EXOC6: variants seen among roughly 807,000 people sequenced by gnomAD.
EXOC6 encodes the protein exocyst complex component 6, also known as SEC15-like 1.
A neutral mutation model predicts 112.5 loss-of-function variants in EXOC6; 60 were observed. That is an observed-to-expected ratio of 0.53 (90% CI 0.43 to 0.66). The LOEUF is 0.66. Among genes scored for constraint, EXOC6 ranks in the 30% least tolerant of loss-of-function variants. The pLI is 0.00. For missense variants in EXOC6, 855 were observed against 957.1 expected (o/e 0.89, Z 1.41); for synonymous variants, 295 against 308.0 (o/e 0.96, Z 0.44).
intron 20 of EXOC6, among the ~76,000 whole-genome samples, chr10:93,054,352 A>G (rs1460087820): frequency 1.3e-5 from 2 of 152,232 alleles, no homozygotes; most frequent in Non-Finnish European, 2.9e-5. Flanking sequence ...CTGCTTTGGC[A>G]ATTAATTCCT....
At chr10:92,952,866 GT>G (rs896904687) in intron 15 of EXOC6, among the ~76,000 whole-genome samples, 2 of 152,106 alleles carry the variant, frequency 1.3e-5, no homozygotes, top group Non-Finnish European at 2.9e-5. Context: ...CAATGGGGAG[GT>G]GCTACTGGAA....
At chr10:93,030,515 G>A (rs1294849207) in intron 20 of EXOC6, among the ~76,000 whole-genome samples, 1 of 152,180 alleles carries the variant, frequency 6.6e-6, no homozygotes. Flanking sequence ...TAAGAAGCAT[G>A]AACAGTAACA....
chr10:93,017,807 C>T (rs1031113669), intron 20 of EXOC6, among the ~76,000 whole-genome samples: 3 of 151,452 alleles, frequency 2.0e-5, no homozygotes, highest in African/African-American at 4.8e-5. Context: ...GTCAGAAGGT[C>T]GAGACCGTCC....
intron 13 of EXOC6, among the ~76,000 whole-genome samples, chr10:92,943,787 G>A (rs1010552856): frequency 2.6e-5 from 4 of 151,198 alleles, no homozygotes; most frequent in African/African-American, 9.7e-5. Context: ...ATTATTAACC[G>A]TAGTCACCTT....
rs116360709 is a variant in EXOC6 at position 92,954,812 on chromosome 10, G to A, written c.1638+71G>A. ...CAATTATTTTAAATTATTGCTGAAC[G>A]TCATTCTGTAAAACTAGCTTCCTGT... On this transcript the variant is annotated intron_variant, in intron 16 of 21. Transcript: ENST00000260762. 3.3e-3 allele frequency: 2,292 copies of A among 695,014 alleles called. 42 individuals carry two copies. In the African/African-American group the frequency reaches 0.037, roughly 11 times the overall value. 43.1% of individuals were successfully genotyped at this position (695,014 alleles called of 1,614,324 possible). A position where few individuals can be genotyped will look rare whatever the true frequency, so the allele number is the denominator to read the frequency against.
At chr10:93,056,878 G>A (rs755794305) in intron 20 of EXOC6, 46 bp from the exon 21 acceptor site, 2 of 1,073,560 alleles carry the variant, frequency 1.9e-6, no homozygotes, top group South Asian at 2.7e-5. Flanking sequence ...GTATTAACTG[G>A]GTAAATAATC....
At chr10:92,960,443 T>C (rs1853922312) in intron 17 of EXOC6, among the ~76,000 whole-genome samples, 1 of 152,154 alleles carries the variant, frequency 6.6e-6, no homozygotes, top group Non-Finnish European at 1.5e-5. Context: ...TATACATGCA[T>C]CAAAACCCAT....
chr10:92,833,802 G>A (rs1846566928), upstream of EXOC6, among the ~76,000 whole-genome samples: 1 of 152,148 alleles, frequency 6.6e-6, no homozygotes, highest in Non-Finnish European at 1.5e-5. Context: ...GAAGAAGATC[G>A]AATGCAAGTG....
chr10:92,928,475 C>T lies in EXOC6; in HGVS notation c.972+53C>T, dbSNP rs928927160. ...ATGTTGTCACTTTTTATCCCCTTAC[C>T]CTGTTTTAATTTCTTCAAAGCATGT... On this transcript the variant is annotated intron_variant, in intron 9 of 21. Coordinates refer to ENST00000260762, the MANE Select transcript of EXOC6 (RefSeq NM_019053.6). 8.3e-6 allele frequency: 9 copies of T among 1,086,460 alleles called. No individual in the cohort carries two copies. The East Asian group carries it at 1.4e-4, about 17-fold the overall frequency. 67.3% of individuals were successfully genotyped at this position (1,086,460 alleles called of 1,614,324 possible).
intron 9 of EXOC6, among the ~76,000 whole-genome samples, chr10:92,931,115 G>GAAAAAAAAAAAAAAA (rs60087746): frequency 1.4e-5 from 1 of 70,612 alleles, no homozygotes; most frequent in Non-Finnish European, 2.7e-5. Flanking sequence ...CATCTCAGAA[G>GAAAAAAAAAAAAAAA]AAAAAAAAAA....
intron 4 of EXOC6, among the ~76,000 whole-genome samples, chr10:92,898,956 T>C (rs765280722): frequency 1.3e-5 from 2 of 152,212 alleles, no homozygotes; most frequent in Non-Finnish European, 2.9e-5. Flanking sequence ...AGTGACACTA[T>C]ATTATCTTGG....
intron 1 of EXOC6, among the ~76,000 whole-genome samples, chr10:92,838,176 C>T (rs141972724): frequency 1.8e-4 from 28 of 152,312 alleles, no homozygotes; most frequent in South Asian, 6.2e-4. Context: ...CAAACCTTCC[C>T]GCATACTCAT....
chr10:93,030,602 A>C (rs1400471956), intron 20 of EXOC6, among the ~76,000 whole-genome samples: 1 of 152,176 alleles, frequency 6.6e-6, no homozygotes, highest in Non-Finnish European at 1.5e-5. Flanking sequence ...AAATCCTAAC[A>C]GTTGTTGGAT....
intron 20 of EXOC6, among the ~76,000 whole-genome samples, chr10:93,049,852 A>G (rs835276): frequency 0.57 from 86,406 of 152,070 alleles, 27,489 homozygotes; most frequent in East Asian, 0.92. Flanking sequence ...ACAGGGGTGA[A>G]CCACCATGGT....
At chr10:92,906,601 GT>G (rs1055926630) in intron 5 of EXOC6, among the ~76,000 whole-genome samples, 1 of 152,084 alleles carries the variant, frequency 6.6e-6, no homozygotes, top group Non-Finnish European at 1.5e-5. Flanking sequence ...GCTCTACTTT[GT>G]TTATTTTTAA....
intron 19 of EXOC6, among the ~76,000 whole-genome samples, chr10:93,001,663 A>G (rs1257367831): frequency 6.6e-6 from 1 of 152,200 alleles, no homozygotes; most frequent in Non-Finnish European, 1.5e-5. Flanking sequence ...CAAATAAAAC[A>G]TTAGCTGGAT....
chr10:92,889,926 T>A (rs1228346069), intron 1 of EXOC6, among the ~76,000 whole-genome samples: 1 of 152,116 alleles, frequency 6.6e-6, no homozygotes, highest in Non-Finnish European at 1.5e-5. Flanking sequence ...AATTTTGTCC[T>A]TTTTCAATAT....
chr10:92,938,912 C>T (rs1852503845), intron 12 of EXOC6, among the ~76,000 whole-genome samples: 1 of 152,032 alleles, frequency 6.6e-6, no homozygotes, highest in Non-Finnish European at 1.5e-5. Flanking sequence ...GAAATTTGAG[C>T]TGGGTTTTGA....
At chr10:92,894,690 G>T (rs1423443649) in intron 2 of EXOC6, 104 bp from the exon 3 acceptor site, 7 of 867,726 alleles carry the variant, frequency 8.1e-6, no homozygotes, top group Admixed American at 2.6e-5. Context: ...GCATTTCTTT[G>T]TTCTAAGTTT....
Sources: gnomAD v4.1 joint callset for allele counts (sites outside exome capture counted in the v4.1 genomes callset) on GRCh38, gnomAD v4.1.1 for gene constraint, MANE v1.5 for transcripts, NCBI Gene and HGNC (gene_info 2026-07-23, HGNC 2026-07-21) for gene names.